Variants in GRM1 observed in about 807,000 individuals in gnomAD.
GRM1 encodes the protein glutamate metabotropic receptor 1.
A neutral mutation model predicts 90.9 loss-of-function variants in GRM1; 33 were observed. That is an observed-to-expected ratio of 0.36 (90% confidence interval 0.28 to 0.49). The LOEUF is 0.49. GRM1 is among the 20% of genes least tolerant of loss of function. GRM1 has a pLI of 0.99. For missense variants in GRM1, 1,190 were observed against 1,534.3 expected (o/e 0.78, Z 3.75); for synonymous variants, 700 against 613.2 (o/e 1.14, Z -2.09).
intron 3 of GRM1, among the ~76,000 whole-genome samples, chr6:146,305,652 A>G (rs1241364179): frequency 1.2e-4 from 19 of 152,342 alleles, no homozygotes; most frequent in Non-Finnish European, 2.9e-5. Flanking sequence ...AGAATAATGG[A>G]GCACTCATGA....
rs565045214 is a variant in GRM1 at position 146,384,270 on chromosome 6, C to T, written c.1603-2620C>T. On this transcript the variant is annotated intron_variant, in intron 5 of 7. Coordinates refer to ENST00000282753, the MANE Select transcript of GRM1 (RefSeq NM_001278064.2). ...TGTCAGCCGGCTGGAATTTTGAGTC[C>T]GAGTAAGGAACACTTAGTAGGGAGT... is the stretch of plus-strand genomic sequence containing the variant. Among the ~76,000 whole-genome samples, 61 of 152,100 alleles carry T rather than the reference C, an allele frequency of 4.0e-4. 1 individual carries two copies. The South Asian group carries it at 0.011, about 29-fold the overall frequency.
chr6:146,030,054 C>T lies in GRM1; in HGVS notation c.537C>T (p.Asp179=). The T allele has an allele frequency of 6.2e-7, 1 of 1,614,212 alleles. No individual in the cohort carries two copies. The highest frequency in any genetic ancestry group is 8.5e-7 in the Non-Finnish European group (1 of 1,180,036). The change falls in exon 1 of 8, where the codon GAC becomes GAT. Residue 179 remains aspartate, a synonymous_variant. Transcript: ENST00000282753. ...TGCAGAACCTGCTCCAGCTCTTCGACATCCCCCAGATCGCTTATTCAGCCA... is the reference window on the plus strand; with the variant it reads ...TGCAGAACCTGCTCCAGCTCTTCGATATCCCCCAGATCGCTTATTCAGCCA... ...IQVQNLLQLF[D]IPQIAYSATS...
chr6:146,095,785 C>T (rs1044392434), intron 1 of GRM1, among the ~76,000 whole-genome samples: 1 of 152,088 alleles, frequency 6.6e-6, no homozygotes. Flanking sequence ...TATTGTACAG[C>T]AGCTTATGGT....
intron 2 of GRM1, among the ~76,000 whole-genome samples, chr6:146,162,016 G>T (rs1180856596): frequency 6.6e-6 from 1 of 152,114 alleles, no homozygotes; most frequent in African/African-American, 2.4e-5. Context: ...ATGGACATGT[G>T]GGCTTGGTTC....
At position 146,126,173 on chromosome 6, in the gene GRM1, A is replaced by C. The variant is rs532292470; in HGVS notation, c.701-33175A>C. 3.9e-5 allele frequency among the ~76,000 whole-genome samples: 6 copies of C among 152,250 alleles called. No homozygotes were observed. The East Asian group carries it at 1.2e-3, about 29-fold the overall frequency. On this transcript the variant is annotated intron_variant, in intron 1 of 7. Transcript: ENST00000282753. ...ACAAATTGAATTAATCTTAATGAAG[A>C]CTGAACTAAACACAAATATTTGAAC...
intron 5 of GRM1, among the ~76,000 whole-genome samples, chr6:146,361,054 A>G (rs1219430438): frequency 1.3e-5 from 2 of 152,202 alleles, no homozygotes; most frequent in Admixed American, 1.3e-4. Context: ...TTATGCTCAC[A>G]GGAAGTTACA....
At chr6:146,219,859 G>A (rs1469868442) in intron 2 of GRM1, among the ~76,000 whole-genome samples, 1 of 151,978 alleles carries the variant, frequency 6.6e-6, no homozygotes, top group Non-Finnish European at 1.5e-5. Context: ...AAACTTCAGT[G>A]AATTCTACCT....
intron 1 of GRM1, among the ~76,000 whole-genome samples, chr6:146,100,407 T>G (rs1777011333): frequency 6.6e-6 from 1 of 152,190 alleles, no homozygotes; most frequent in Non-Finnish European, 1.5e-5. Flanking sequence ...TTACTTTTAC[T>G]CTCTCCTCAA....
chr6:146,038,111 C>G (rs1471351792), intron 1 of GRM1, among the ~76,000 whole-genome samples: 1 of 151,868 alleles, frequency 6.6e-6, no homozygotes, highest in South Asian at 2.1e-4. Flanking sequence ...TTCTCCAGCT[C>G]CTTCAGGGCA....
At chr6:146,035,073 A>C (rs189126975) in intron 1 of GRM1, among the ~76,000 whole-genome samples, 2 of 152,040 alleles carry the variant, frequency 1.3e-5, no homozygotes, top group Admixed American at 6.6e-5. Context: ...GAGAAAAGGG[A>C]ATTTTGGTTA....
chr6:146,391,515 T>C (rs373719049), intron 6 of GRM1, among the ~76,000 whole-genome samples: 17 of 152,114 alleles, frequency 1.1e-4, no homozygotes, highest in East Asian at 9.8e-4. Context: ...CCCCTCTTTC[T>C]AGTTTTGGGA....
rs115587806 is a variant in GRM1 at position 146,253,933 on chromosome 6, A to G, written c.951-50678A>G. Among the ~76,000 whole-genome samples, 734 of 152,194 alleles carry G rather than the reference A, an allele frequency of 4.8e-3. 8 individuals carry two copies. The highest frequency in any genetic ancestry group is 0.016 in the African/African-American group (685 of 41,542). On this transcript the variant is annotated intron_variant, in intron 2 of 7. Transcript: ENST00000282753. ...TCTTTGGCAAAATTACCAGGCCACC[A>G]TGAATCTTACTTTTCTCTTCATAAG...
intron 1 of GRM1, among the ~76,000 whole-genome samples, chr6:146,050,040 A>G (rs1451103571): frequency 6.6e-6 from 1 of 152,022 alleles, no homozygotes; most frequent in Non-Finnish European, 1.5e-5. Context: ...AAACAGGCTT[A>G]TGAGTTTTGA....
chr6:146,218,155 A>T (rs991678007), intron 2 of GRM1, among the ~76,000 whole-genome samples: 1 of 151,918 alleles, frequency 6.6e-6, no homozygotes, highest in African/African-American at 2.4e-5. Flanking sequence ...ACCTAAATGA[A>T]ACCATGTGTC....
chr6:146,245,128 G>C lies in GRM1; in HGVS notation c.951-59483G>C, dbSNP rs141494757. ...GTTTACACTTTAACGACTCCCAATG[G>C]GAGCAAGCAAACAAACAATTGAAAA... On this transcript the variant is annotated intron_variant, in intron 2 of 7. Transcript: ENST00000282753. Among the ~76,000 whole-genome samples, 349 of 152,152 alleles carry C rather than the reference G, an allele frequency of 2.3e-3. 2 individuals are homozygous for C. Among genetic ancestry groups the C allele is most frequent in the African/African-American group, 8.2e-3 (339 of 41,508 alleles).
intron 2 of GRM1, among the ~76,000 whole-genome samples, chr6:146,296,763 G>T (rs1783192249): frequency 6.6e-6 from 1 of 152,174 alleles, no homozygotes; most frequent in African/African-American, 2.4e-5. Flanking sequence ...CTTGTGCATG[G>T]TGACTTTCCT....
At chr6:146,333,960 T>C (rs912490654) in intron 3 of GRM1, among the ~76,000 whole-genome samples, 2 of 151,796 alleles carry the variant, frequency 1.3e-5, no homozygotes, top group African/African-American at 2.4e-5. Flanking sequence ...ATAGGGAAAA[T>C]AAAGGAAGTC....
chr6:146,377,774 A>AT (rs1238055880), intron 5 of GRM1, among the ~76,000 whole-genome samples: 2 of 152,140 alleles, frequency 1.3e-5, no homozygotes, highest in African/African-American at 4.8e-5. Context: ...AGGAGGAAAA[A>AT]AAGGCTTCCT....
At chr6:146,246,795 T>C (rs1162750532) in intron 2 of GRM1, among the ~76,000 whole-genome samples, 2 of 152,218 alleles carry the variant, frequency 1.3e-5, no homozygotes. Flanking sequence ...GAGACTCTTT[T>C]GGTTCCAAGT....
Sources: allele counts gnomAD v4.1 joint callset (sites outside exome capture counted in the v4.1 genomes callset), GRCh38; gene constraint gnomAD v4.1.1; transcripts MANE v1.5; gene names NCBI Gene and HGNC (gene_info 2026-07-23, HGNC 2026-07-21).